Variants in ACACA observed in about 807,000 individuals in gnomAD.
The protein encoded by ACACA is acetyl-CoA carboxylase 1.
ACACA carries 103 observed loss-of-function variants against 296.1 expected under a neutral mutation model. The ratio of observed to expected loss-of-function variants is 0.35; its 90% CI spans 0.30 to 0.41. The LOEUF is 0.41. ACACA is among the 10% of genes least tolerant of loss of function. ACACA has a pLI of 1.00. For synonymous variants in ACACA, 953 were observed against 1,038.6 expected (o/e 0.92, Z 1.58); for missense variants, 1,554 against 2,989.7 (o/e 0.52, Z 11.20).
At chr17:37,141,705 T>TC (rs1405464856) in intron 45 of ACACA, among the ~76,000 whole-genome samples, 3 of 151,910 alleles carry the variant, frequency 2.0e-5, no homozygotes, top group Admixed American at 6.6e-5. Context: ...GTTTTTTTTT[T>TC]TCTGAGATGG....
intron 6 of ACACA, 60 bp from the exon 7 acceptor site, chr17:37,277,174 AAG>A: frequency 1.4e-6 from 2 of 1,451,646 alleles, no homozygotes; most frequent in Non-Finnish European, 9.7e-7. Context: ...CACAAACTGC[AAG>A]AGTCTCTATC....
At chr17:37,340,804 C>A (rs1333764228) in intron 1 of ACACA, among the ~76,000 whole-genome samples, 2 of 152,168 alleles carry the variant, frequency 1.3e-5, no homozygotes, top group Non-Finnish European at 2.9e-5. Context: ...ACCAATCAAG[C>A]TCAAACTCTG....
intron 35 of ACACA, among the ~76,000 whole-genome samples, chr17:37,198,028 A>G (rs976427941): frequency 6.6e-6 from 1 of 152,226 alleles, no homozygotes; most frequent in Admixed American, 6.5e-5. Flanking sequence ...GATTTTGCCT[A>G]TACATGTCCC....
intron 10 of ACACA, among the ~76,000 whole-genome samples, chr17:37,269,932 G>A (rs2146381128): frequency 6.6e-6 from 1 of 152,198 alleles, no homozygotes; most frequent in East Asian, 1.9e-4. Context: ...TGTATTGGTA[G>A]GAGGAAAAAA....
At chr17:37,263,422 A>C (rs2081605440) in intron 11 of ACACA, among the ~76,000 whole-genome samples, 1 of 152,084 alleles carries the variant, frequency 6.6e-6, no homozygotes, top group Admixed American at 6.6e-5. Flanking sequence ...ATTCCAAAAC[A>C]TTTCTCTTCT....
Position 37,149,314 on chromosome 17 carries a change from T to C in ACACA, c.5679+550A>G, listed in dbSNP as rs539128386. ...TTCTTCTATATACAAGAGACCACCATCGGTGCCCTTTTCGAGAGGTGTATT... is the reference window on the plus strand; with the variant it reads ...TTCTTCTATATACAAGAGACCACCACCGGTGCCCTTTTCGAGAGGTGTATT... On this transcript the variant is annotated intron_variant, in intron 45 of 55. Coordinates refer to ENST00000616317, the MANE Select transcript of ACACA (RefSeq NM_198834.3). Among the ~76,000 whole-genome samples, 67 of 152,326 alleles carry C rather than the reference T, an allele frequency of 4.4e-4. No individual in the cohort carries two copies. The South Asian group carries it at 7.9e-3, about 18-fold the overall frequency.
intron 3 of ACACA, among the ~76,000 whole-genome samples, chr17:37,314,684 G>C (rs1046121913): frequency 7.2e-6 from 1 of 138,522 alleles, no homozygotes. Context: ...CTGTCAACCA[G>C]GCTGGAAGTA....
At position 37,316,302 on chromosome 17, in the gene ACACA, T is replaced by TACACACACACACACAC. The variant is rs10533479; in HGVS notation, c.338+13855_338+13870dup. On this transcript the variant is annotated intron_variant, in intron 3 of 55. Coordinates refer to ENST00000616317, the MANE Select transcript of ACACA (RefSeq NM_198834.3). ...CTACCCTACCAGCTCTACCCTTACA[T>TACACACACACACACAC]ACACACACACACACACACACACACA... Among the ~76,000 whole-genome samples, 422 of 142,588 alleles carry TACACACACACACACAC rather than the reference T, an allele frequency of 3.0e-3. 2 individuals carry two copies. Among genetic ancestry groups the TACACACACACACACAC allele is most frequent in the African/African-American group, 8.9e-3 (341 of 38,528 alleles). The allele number at this position is 142,588 out of a possible 152,430, so 93.5% of individuals were successfully genotyped here.
intron 28 of ACACA, among the ~76,000 whole-genome samples, chr17:37,223,291 T>G (rs1244044498): frequency 6.6e-6 from 1 of 152,212 alleles, no homozygotes; most frequent in Non-Finnish European, 1.5e-5. Flanking sequence ...CTGGCAGCTA[T>G]TTTCCTGTGA....
Position 37,101,097 on chromosome 17 carries a change from A to C in ACACA, c.6566-3113T>G, listed in dbSNP as rs1031145540. On this transcript the variant is annotated intron_variant, in intron 52 of 55. Transcript: ENST00000616317. ...GAGTGACTGTCTCAGAAAAAAAAAA[A>C]AAAAAAAAGGCAAGAGGTCCACAGA... 5.5e-5 allele frequency among the ~76,000 whole-genome samples: 4 copies of C among 72,952 alleles called. No individual in the cohort carries two copies. In the African/African-American group the frequency reaches 9.8e-4, roughly 18 times the overall value. The allele number at this position is 72,952 out of a possible 152,430, so 47.9% of individuals were successfully genotyped here. A position where few individuals can be genotyped will look rare whatever the true frequency, so the allele number is the denominator to read the frequency against.
At chr17:37,172,578 C>T (rs1178179293) in intron 41 of ACACA, among the ~76,000 whole-genome samples, 1 of 152,056 alleles carries the variant, frequency 6.6e-6, no homozygotes, top group African/African-American at 2.4e-5. Flanking sequence ...AGAACAAAAA[C>T]ATAGAATTAA....
At chr17:37,116,084 C>T (rs1882045371) in intron 50 of ACACA, among the ~76,000 whole-genome samples, 1 of 151,906 alleles carries the variant, frequency 6.6e-6, no homozygotes, top group South Asian at 2.1e-4. Flanking sequence ...CCTCTGCCTC[C>T]TGGGTTCAGA....
intron 33 of ACACA, among the ~76,000 whole-genome samples, chr17:37,203,765 A>C (rs988613637): frequency 6.6e-6 from 1 of 152,010 alleles, no homozygotes; most frequent in Non-Finnish European, 1.5e-5. Flanking sequence ...ACAAAACAAA[A>C]CAAAACAAAA....
chr17:37,316,077 TGTGCCAGGAACCAAGG>T (rs2047072019), intron 3 of ACACA, among the ~76,000 whole-genome samples: 2 of 152,276 alleles, frequency 1.3e-5, no homozygotes, highest in South Asian at 4.1e-4. Context: ...TTAGGAACTG[TGTGCCAGGAACCAAGG>T]ATAGAGACCA....
At chr17:37,368,235 G>C (rs2049678189) in intron 1 of ACACA, among the ~76,000 whole-genome samples, 1 of 152,194 alleles carries the variant, frequency 6.6e-6, no homozygotes, top group Non-Finnish European at 1.5e-5. Context: ...TTGCACCACT[G>C]CACTCCAGCC....
At chr17:37,390,966 C>A (rs1178247539) in intron 1 of ACACA, among the ~76,000 whole-genome samples, 1 of 151,926 alleles carries the variant, frequency 6.6e-6, no homozygotes, top group Non-Finnish European at 1.5e-5. Context: ...TAGGGCCAGG[C>A]GTGGTGGCTC....
intron 10 of ACACA, among the ~76,000 whole-genome samples, chr17:37,268,092 C>G (rs955259596): frequency 6.6e-6 from 1 of 152,152 alleles, no homozygotes; most frequent in African/African-American, 2.4e-5. Context: ...CTTGCCTTTA[C>G]TTTCCTTGAA....
intron 30 of ACACA, among the ~76,000 whole-genome samples, chr17:37,208,377 T>C (rs975053740): frequency 6.6e-6 from 1 of 152,192 alleles, no homozygotes; most frequent in African/African-American, 2.4e-5. Context: ...TCACAGTCTA[T>C]AAAAGGAACT....
intron 12 of ACACA, 104 bp downstream of exon 12, chr17:37,259,256 G>T: frequency 7.7e-7 from 1 of 1,292,038 alleles, no homozygotes; most frequent in South Asian, 1.2e-5. Context: ...CATTAGGTGT[G>T]ACTCAGATAG....
Sources: allele counts gnomAD v4.1 joint callset (sites outside exome capture counted in the v4.1 genomes callset), GRCh38; gene constraint gnomAD v4.1.1; transcripts MANE v1.5; gene names NCBI Gene and HGNC (gene_info 2026-07-23, HGNC 2026-07-21).